Variants in ANOS1 observed in about 807,000 individuals in gnomAD.
The protein encoded by ANOS1 is anosmin 1.
In ANOS1, 6 loss-of-function variants were observed where a neutral mutation model predicts 59.0. The observed-to-expected ratio is 0.10, with a 90% confidence interval of 0.06 to 0.20. The LOEUF (loss-of-function observed/expected upper bound fraction) is 0.20. Among genes scored for constraint, ANOS1 ranks in the 10% least tolerant of loss-of-function variants. ANOS1 has a pLI of 1.00. For missense variants in ANOS1, 433 were observed against 542.3 expected (o/e 0.80, Z 2.00); for synonymous variants, 217 against 223.4 (o/e 0.97, Z 0.25).
intron 2 of ANOS1, among the ~76,000 whole-genome samples, chrX:8,635,655 TA>T (rs1931561274): frequency 1.8e-5 from 2 of 112,288 alleles, no homozygotes; most frequent in Admixed American, 9.4e-5. Context: ...ATCAAAGTGC[TA>T]AAAAATCAGT....
chrX:8,688,523 A>G (rs1177527466), intron 2 of ANOS1, among the ~76,000 whole-genome samples: 2 of 112,229 alleles, frequency 1.8e-5, no homozygotes, highest in African/African-American at 6.5e-5. Context: ...CAAATAAGAG[A>G]TTTCGTTTGC....
At chrX:8,629,491 T>C (rs770982366) in intron 2 of ANOS1, among the ~76,000 whole-genome samples, 1 of 111,796 alleles carries the variant, frequency 8.9e-6, no homozygotes, top group South Asian at 3.8e-4. Context: ...AAAAGTACTT[T>C]GCAAATCCAT....
At chrX:8,551,261 T>C (rs1429321447) in intron 9 of ANOS1, among the ~76,000 whole-genome samples, 1 of 112,256 alleles carries the variant, frequency 8.9e-6, no homozygotes, top group Admixed American at 9.4e-5. Flanking sequence ...CTTTGTGACC[T>C]TTGTATGAAA....
intron 1 of ANOS1, among the ~76,000 whole-genome samples, chrX:8,729,391 CTTTTTTTTT>C (rs1162458402): frequency 8.3e-5 from 6 of 72,626 alleles, no homozygotes; most frequent in Non-Finnish European, 1.5e-4. Flanking sequence ...ACCTTCCTTC[CTTTTTTTTT>C]TTTTTTTTTT....
chrX:8,668,033 AT>A (rs1055682630), intron 2 of ANOS1, among the ~76,000 whole-genome samples: 11 of 107,978 alleles, frequency 1.0e-4, no homozygotes, highest in East Asian at 5.9e-4. Context: ...GTATTTTTAA[AT>A]TTTTTTTTTA....
chrX:8,575,200 A>G (rs1930299955), intron 6 of ANOS1, among the ~76,000 whole-genome samples: 1 of 112,444 alleles, frequency 8.9e-6, no homozygotes, highest in African/African-American at 3.2e-5. Context: ...AGTTTGAAAT[A>G]AAATAATTAA....
intron 9 of ANOS1, among the ~76,000 whole-genome samples, chrX:8,541,426 A>C (rs1929686421): frequency 1.0e-5 from 1 of 95,605 alleles, no homozygotes; most frequent in Non-Finnish European, 2.1e-5. Flanking sequence ...CCCCAAAAAC[A>C]AAAAAACAAA....
At chrX:8,683,371 C>T (rs1265282094) in intron 2 of ANOS1, among the ~76,000 whole-genome samples, 2 of 110,863 alleles carry the variant, frequency 1.8e-5, no homozygotes, top group African/African-American at 6.6e-5. Flanking sequence ...GTAAGTAACT[C>T]GGCCCAGGTG....
intron 9 of ANOS1, among the ~76,000 whole-genome samples, chrX:8,551,570 C>A (rs771008889): frequency 9.3e-6 from 1 of 107,787 alleles, no homozygotes; most frequent in Non-Finnish European, 1.9e-5. Flanking sequence ...ACCCAGGATG[C>A]GGACCAGCCT....
intron 2 of ANOS1, among the ~76,000 whole-genome samples, chrX:8,661,200 T>A (rs141225001): frequency 3.0e-3 from 328 of 109,292 alleles, no homozygotes; most frequent in African/African-American, 0.011. Flanking sequence ...TTATGAGATG[T>A]CTTATTCATT....
At chrX:8,619,070 CAAAAAAAAAAAAAAAAAAAAAA>C (rs1164164251) in intron 3 of ANOS1, among the ~76,000 whole-genome samples, 1 of 43,976 alleles carries the variant, frequency 2.3e-5, no homozygotes, top group South Asian at 2.2e-3. Flanking sequence ...AAACCTCTCT[CAAAAAAAAAAAAAAAAAAAAAA>C]AAAAAAAAAG....
At chrX:8,597,348 C>T in intron 3 of ANOS1, 92 bp from the exon 4 acceptor site, 1 of 762,318 alleles carries the variant, frequency 1.3e-6, no homozygotes, top group Admixed American at 2.7e-5. Flanking sequence ...ACATTTTTCC[C>T]CACCAAACCT....
At chrX:8,725,683 T>TATATATATATACAG in intron 1 of ANOS1, among the ~76,000 whole-genome samples, 1 of 45,245 alleles carries the variant, frequency 2.2e-5, no homozygotes, top group African/African-American at 1.5e-4. Context: ...TATATACAGA[T>TATATATATATACAG]ATATATATAT....
chrX:8,565,923 T>A, intron 8 of ANOS1: 1 of 658,661 alleles, frequency 1.5e-6, no homozygotes, highest in Non-Finnish European at 1.8e-6. Context: ...GGGCAGGGAG[T>A]CATTAGCACA....
At position 8,531,919 on chromosome X, in the gene ANOS1, T is replaced by C. The variant is rs962206678; in HGVS notation, c.*1076A>G. On this transcript the variant is annotated 3_prime_UTR_variant, in exon 14 of 14. Coordinates refer to ENST00000262648, the MANE Select transcript of ANOS1 (RefSeq NM_000216.4). Reference sequence around the variant, plus strand: ...GTTCATGCTACAAGGCACTAATTTGTAGCATAAAACATTTCCAAAAAGTAA... The same window carrying C: ...GTTCATGCTACAAGGCACTAATTTGCAGCATAAAACATTTCCAAAAAGTAA... 1.8e-5 allele frequency: 2 copies of C among 111,900 alleles called. No individual in the cohort carries two copies. Among genetic ancestry groups the C allele is most frequent in the Non-Finnish European group, 3.8e-5 (2 of 53,224 alleles). 9.2% of individuals were successfully genotyped at this position (111,900 alleles called of 1,213,427 possible). A position where few individuals can be genotyped will look rare whatever the true frequency, so the allele number is the denominator to read the frequency against.
intron 9 of ANOS1, among the ~76,000 whole-genome samples, chrX:8,549,284 ATATATGTGTACATGTGTG>A (rs1371040830): frequency 8.9e-6 from 1 of 112,464 alleles, no homozygotes; most frequent in Admixed American, 9.4e-5. Flanking sequence ...ATACGTGTGT[ATATATGTGTACATGTGTG>A]TATATGTGTA....
intron 2 of ANOS1, among the ~76,000 whole-genome samples, chrX:8,642,503 T>C (rs1296762581): frequency 9.1e-6 from 1 of 110,181 alleles, no homozygotes; most frequent in East Asian, 2.8e-4. Flanking sequence ...AAGTAAATTG[T>C]ACAGCATGTG....
chrX:8,648,628 T>C (rs1049112871), intron 2 of ANOS1, among the ~76,000 whole-genome samples: 1 of 111,566 alleles, frequency 9.0e-6, no homozygotes, highest in African/African-American at 3.3e-5. Flanking sequence ...TGTATCTAAG[T>C]TGAGGAGTTA....
At position 8,533,038 on chromosome X, in the gene ANOS1, T is replaced by C; in HGVS notation, c.2000A>G (p.His667Arg). ...AGGCTTGTAATGATGTGGATGACGA[T>C]GCTTAAGATGAGATCCTAAAAAGTG... is the stretch of plus-strand genomic sequence containing the variant. ...PSSAHRSHLK[H>R]RHPHHYKPSP... Residue 667 changes from histidine (H) to arginine (R), a missense_variant, in exon 14 of 14, where the codon CAT (histidine) becomes CGT (arginine). Transcript: ENST00000262648. The C allele has an allele frequency of 8.7e-7, 1 of 1,149,184 alleles. No individual in the cohort carries two copies. The highest frequency in any genetic ancestry group is 3.0e-5 in the East Asian group (1 of 33,585). 94.7% of individuals were successfully genotyped at this position (1,149,184 alleles called of 1,213,427 possible).
Sources: allele counts gnomAD v4.1 joint callset (sites outside exome capture counted in the v4.1 genomes callset), GRCh38; gene constraint gnomAD v4.1.1; transcripts MANE v1.5; gene names NCBI Gene and HGNC (gene_info 2026-07-23, HGNC 2026-07-21).